Variants in MIB1 observed in about 807,000 individuals in gnomAD.
MIB1 encodes MIB E3 ubiquitin protein ligase 1.
Under a neutral mutation model 124.5 loss-of-function variants are expected in MIB1, and 278 were observed. The ratio of observed to expected loss-of-function variants is 2.23; its 90% CI spans 2.02 to 2.47. The LOEUF (loss-of-function observed/expected upper bound fraction) is 2.47, where lower values mean the gene tolerates loss of function less well. MIB1 is among the 30% of genes most tolerant of loss of function. The pLI is 0.00. For synonymous variants in MIB1, 446 were observed against 429.4 expected (o/e 1.04, Z -0.48); for missense variants, 957 against 1,254.4 (o/e 0.76, Z 3.58).
At position 21,799,981 on chromosome 18, in the gene MIB1, A is replaced by G; in HGVS notation, c.1371+7A>G. Reference sequence around the variant, plus strand: ...TAAAAGACCAGATGTGGATGTGAGCATTTTAAAAATTATTTTGAAGCATAC... The same window carrying G: ...TAAAAGACCAGATGTGGATGTGAGCGTTTTAAAAATTATTTTGAAGCATAC... On this transcript the variant is annotated splice_region_variant and intron_variant, in intron 9 of 20. Coordinates refer to ENST00000261537, the MANE Select transcript of MIB1 (RefSeq NM_020774.4). 6.2e-7 allele frequency: 1 copy of G among 1,606,774 alleles called. No homozygotes were observed. The highest frequency in any genetic ancestry group is 1.7e-4 in the Middle Eastern group (1 of 6,028).
At chr18:21,731,647 G>T (rs2040770858) in intron 1 of MIB1, among the ~76,000 whole-genome samples, 1 of 150,638 alleles carries the variant, frequency 6.6e-6, no homozygotes, top group African/African-American at 2.4e-5. Flanking sequence ...CAGGAGAATG[G>T]CGTGAACCCG....
chr18:21,757,700 A>T (rs967514157), intron 1 of MIB1, among the ~76,000 whole-genome samples: 1 of 151,508 alleles, frequency 6.6e-6, no homozygotes, highest in Non-Finnish European at 1.5e-5. Flanking sequence ...TGACCAGGCT[A>T]GTCTCAAACT....
intron 12 of MIB1, among the ~76,000 whole-genome samples, chr18:21,834,707 A>G (rs1051603061): frequency 3.3e-5 from 5 of 152,218 alleles, no homozygotes; most frequent in African/African-American, 9.6e-5. Context: ...AGTACTCTTC[A>G]AAACTGTCAG....
intron 10 of MIB1, among the ~76,000 whole-genome samples, chr18:21,813,772 A>G (rs1322611646): frequency 6.6e-6 from 1 of 152,136 alleles, no homozygotes; most frequent in Non-Finnish European, 1.5e-5. Flanking sequence ...TGGGTGCCAT[A>G]TGGATTGTCA....
intron 1 of MIB1, among the ~76,000 whole-genome samples, chr18:21,731,296 T>C (rs1385038154): frequency 6.6e-6 from 1 of 152,242 alleles, no homozygotes; most frequent in Non-Finnish European, 1.5e-5. Context: ...CATAATTATT[T>C]TGAGATTCAT....
At chr18:21,835,840 A>ACAAACACACAAACAC (rs1555695330) in intron 12 of MIB1, among the ~76,000 whole-genome samples, 2 of 108,056 alleles carry the variant, frequency 1.9e-5, no homozygotes, top group Non-Finnish European at 3.5e-5. Flanking sequence ...CACACACACA[A>ACAAACACACAAACAC]ACACACACGA....
At position 21,741,865 on chromosome 18, in the gene MIB1, C is replaced by T; in HGVS notation, c.229+53C>T. ...TGCGCGCGCGGGGGGAAGGGGCGAG[C>T]TGCGGTGGGCGTCGGTGTCGCGGGG... On this transcript the variant is annotated intron_variant, in intron 1 of 20. Coordinates refer to ENST00000261537, the MANE Select transcript of MIB1 (RefSeq NM_020774.4). The surrounding 1 kb of genome is among the most constrained non-coding windows in gnomAD (Gnocchi z 5.4). 2.1e-6 allele frequency: 3 copies of T among 1,454,084 alleles called. No homozygotes were observed. Among genetic ancestry groups the T allele is most frequent in the South Asian group, 1.3e-5 (1 of 76,184 alleles). The allele number at this position is 1,454,084 out of a possible 1,614,324, so 90.1% of individuals were successfully genotyped here. A position where few individuals can be genotyped will look rare whatever the true frequency, so the allele number is the denominator to read the frequency against.
intron 17 of MIB1, among the ~76,000 whole-genome samples, chr18:21,850,016 A>G (rs1359076944): frequency 2.6e-5 from 4 of 152,140 alleles, no homozygotes; most frequent in African/African-American, 9.7e-5. Flanking sequence ...ACTTTACATT[A>G]TGTCCCATCT....
Position 21,819,544 on chromosome 18 carries a change from A to G in MIB1, c.1727A>G (p.Asp576Gly). ...PLHDAISKKR[D>G]DILAVLLEAG... Reference sequence around the variant, plus strand: ...CATGATGCAATAAGTAAGAAACGTGATGATATCCTAGCAGTTCTTTTGGAA... The same window carrying G: ...CATGATGCAATAAGTAAGAAACGTGGTGATATCCTAGCAGTTCTTTTGGAA... The change falls in exon 12 of 21, where the codon GAT (aspartate) becomes GGT (glycine). Residue 576 changes from aspartate to glycine, a missense_variant. Coordinates refer to ENST00000261537, the MANE Select transcript of MIB1 (RefSeq NM_020774.4). 1 of 1,611,100 alleles carries G rather than the reference A, an allele frequency of 6.2e-7. No homozygotes were observed. Among genetic ancestry groups the G allele is most frequent in the Non-Finnish European group, 8.5e-7 (1 of 1,177,792 alleles).
chr18:21,732,571 A>G (rs2040776865), intron 1 of MIB1, among the ~76,000 whole-genome samples: 3 of 151,426 alleles, frequency 2.0e-5, no homozygotes, highest in African/African-American at 7.3e-5. Context: ...TAGCTTTTTG[A>G]TTTTTCTGTA....
At position 21,849,058 on chromosome 18, in the gene MIB1, C is replaced by T. The variant is rs2042159360; in HGVS notation, c.2394-138C>T. The T allele has an allele frequency of 5.5e-6, 3 of 541,566 alleles. No individual in the cohort carries two copies. The South Asian group carries it at 1.1e-4, about 19-fold the overall frequency. The allele number at this position is 541,566 out of a possible 1,614,324, so 33.5% of individuals were successfully genotyped here. A position where few individuals can be genotyped will look rare whatever the true frequency, so the allele number is the denominator to read the frequency against. On this transcript the variant is annotated intron_variant, in intron 16 of 20. Coordinates refer to ENST00000261537, the MANE Select transcript of MIB1 (RefSeq NM_020774.4). ...ATAAACACAAAAATTTAATGTTTCA[C>T]ATACAGATGTTAAAGCTTAATTTTT... is the stretch of plus-strand genomic sequence containing the variant.
chr18:21,769,459 G>A (rs72886653), intron 3 of MIB1, among the ~76,000 whole-genome samples: 3 of 152,294 alleles, frequency 2.0e-5, no homozygotes, highest in Admixed American at 6.5e-5. Flanking sequence ...CATATTACAC[G>A]GCTGCAATCT....
intron 17 of MIB1, among the ~76,000 whole-genome samples, chr18:21,850,701 C>T (rs2042172862): frequency 6.6e-6 from 1 of 152,150 alleles, no homozygotes; most frequent in African/African-American, 2.4e-5. Context: ...TATTGTGTGC[C>T]AGACACTGTG....
intron 1 of MIB1, among the ~76,000 whole-genome samples, chr18:21,762,615 G>T (rs527679057): frequency 5.3e-5 from 8 of 152,204 alleles, no homozygotes; most frequent in Middle Eastern, 6.8e-3. Context: ...GAAGCAGCTG[G>T]GTGAGTAGGA....
At chr18:21,831,284 G>C (rs542433083) in intron 12 of MIB1, 1 of 94,952 alleles carries the variant, frequency 1.1e-5, no homozygotes, top group East Asian at 2.9e-4. Flanking sequence ...TTGGTTTTTA[G>C]TTTCCAGGAT....
chr18:21,706,820 C>T (rs2040640540), intron 1 of MIB1, among the ~76,000 whole-genome samples: 1 of 152,202 alleles, frequency 6.6e-6, no homozygotes. Flanking sequence ...CTGTGGGCTC[C>T]TGCGGGGCAA....
chr18:21,709,255 T>C (rs1011504281), intron 1 of MIB1, among the ~76,000 whole-genome samples: 51 of 150,136 alleles, frequency 3.4e-4, no homozygotes, highest in African/African-American at 1.2e-3. Flanking sequence ...GAGGTGGAGC[T>C]TGCAGTGAGC....
intron 1 of MIB1, among the ~76,000 whole-genome samples, chr18:21,750,585 C>T (rs917398293): frequency 5.9e-5 from 9 of 152,300 alleles, no homozygotes; most frequent in African/African-American, 2.2e-4. Flanking sequence ...CCTCGGCCTC[C>T]CAAAGTGCTG....
chr18:21,777,127 G>C (rs1297416514), intron 4 of MIB1, among the ~76,000 whole-genome samples: 4 of 152,024 alleles, frequency 2.6e-5, no homozygotes, highest in Admixed American at 2.6e-4. Context: ...TCTTTAAAAT[G>C]GAATGTGCTG....
Sources: allele counts gnomAD v4.1 joint callset (sites outside exome capture counted in the v4.1 genomes callset), GRCh38; gene constraint gnomAD v4.1.1; non-coding constraint Gnocchi (gnomAD v3.1); transcripts MANE v1.5; gene names NCBI Gene and HGNC (gene_info 2026-07-23, HGNC 2026-07-21).